Variants in TTN observed in about 807,000 individuals in gnomAD.
TTN encodes titin.
In TTN, 1,525 loss-of-function variants were observed where a neutral mutation model predicts 3,223.0. The ratio of observed to expected loss-of-function variants is 0.47; its 90% CI spans 0.45 to 0.49. The LOEUF (loss-of-function observed/expected upper bound fraction) is 0.49. Ranked by LOEUF, TTN falls within the 20% of genes least tolerant of loss-of-function variation. The pLI, the probability that TTN is intolerant of heterozygous loss-of-function variation, is 0.00. For synonymous variants in TTN, 14,094 were observed against 15,161.0 expected, an observed-to-expected ratio of 0.93 and a Z score of 5.17; for missense variants, 40,786 against 43,424.0, an observed-to-expected ratio of 0.94 and a Z score of 5.40.
chr2:178,789,423 T>C lies in TTN; in HGVS notation c.2013A>G (p.Thr671=). ...VATAKAKEQE[T]ILRTRETMAT... Reference sequence around the variant, plus strand: ...CCATAGTTTCTCTAGTTCTCAGTATTGTTTCTTGTTCTTTGGCTTTAGCAG... The same window carrying C: ...CCATAGTTTCTCTAGTTCTCAGTATCGTTTCTTGTTCTTTGGCTTTAGCAG... The change falls in exon 13 of 363, where the codon ACA becomes ACG. Residue 671 remains threonine (T), a synonymous_variant. Coordinates refer to ENST00000589042, the MANE Select transcript of TTN (RefSeq NM_001267550.2). 2 of 1,613,602 alleles carry C rather than the reference T, an allele frequency of 1.2e-6. No individual in the cohort carries two copies. The highest frequency in any genetic ancestry group is 2.2e-5 in the South Asian group (2 of 91,070).
In TTN at chr2:178,633,033, G is replaced by A; in HGVS notation, c.43098C>T (p.Ile14366=). Reference sequence around the variant, plus strand: ...GAATATGCTTCTTTCCATCCTCAATGATTTCACAGTCCTGTTTGGAGTGAG... The same window carrying A: ...GAATATGCTTCTTTCCATCCTCAATAATTTCACAGTCCTGTTTGGAGTGAG... ...QPLTASPDCE[I]IEDGKKHILI... is the part of the protein sequence containing the mutation. Residue 14366 remains isoleucine, a synonymous_variant, in exon 234 of 363, where the codon ATC becomes ATT. Transcript: ENST00000589042. 6.2e-7 allele frequency: 1 copy of A among 1,612,898 alleles called. No individual in the cohort carries two copies. Among genetic ancestry groups the A allele is most frequent in the Non-Finnish European group, 8.5e-7 (1 of 1,179,338 alleles).
In TTN at chr2:178,689,577, C is replaced by T. The variant is rs2071793480; in HGVS notation, c.31865G>A (p.Gly10622Glu). 1.9e-6 allele frequency: 3 copies of T among 1,606,624 alleles called. No homozygotes were observed. Among genetic ancestry groups the T allele is most frequent in the Non-Finnish European group, 2.5e-6 (3 of 1,176,920 alleles). The change falls in exon 123 of 363, where the codon GGA becomes GAA. Residue 10622 changes from glycine to glutamate, a missense_variant. Physicochemically the swap from Gly to Glu is moderately conservative, Grantham distance 98. Coordinates refer to ENST00000589042, the MANE Select transcript of TTN (RefSeq NM_001267550.2). The part of the protein sequence containing the change: ...PPAKVPEVQK[G>E]VVTEEKITIV... ...GGTTATTTTTTCTTCTGTCACAACT[C>T]CCTTCTGTACTTCAGGAACTTGAAG...
At chr2:178,529,802 T>A (rs1049687900) in intron 359 of TTN, among the ~76,000 whole-genome samples, 158 bp downstream of exon 359, 1 of 152,230 alleles carries the variant, frequency 6.6e-6, no homozygotes, top group Admixed American at 6.5e-5. Context: ...TAACTTCAAA[T>A]GTGTGTTTCT....
Position 178,595,715 on chromosome 2 carries a change from G to A in TTN, c.57639C>T (p.Gly19213=). Residue 19213 remains glycine, a synonymous_variant, in exon 295 of 363, where the codon GGC becomes GGT. Coordinates refer to ENST00000589042, the MANE Select transcript of TTN (RefSeq NM_001267550.2). ...CAATGACATAATTGGTGATTGGAGA[G>A]CCTCCATCATCTTCTGGAGAAAACC... ...LTWFSPEDDG[G]SPITNYVIEK... 1 of 1,608,490 alleles carries A rather than the reference G, an allele frequency of 6.2e-7. No individual in the cohort carries two copies. Among genetic ancestry groups the A allele is most frequent in the Non-Finnish European group, 8.5e-7 (1 of 1,177,540 alleles).
intron 4 of TTN, 56 bp from the exon 5 acceptor site, chr2:178,799,966 G>C: frequency 1.3e-6 from 2 of 1,566,740 alleles, no homozygotes; most frequent in Non-Finnish European, 1.8e-6. Flanking sequence ...CATTTTAAAA[G>C]AGATTCTGTT....
At position 178,567,267 on chromosome 2, in the gene TTN, G is replaced by A. The variant is rs1030641242; in HGVS notation, c.78865C>T (p.Pro26289Ser). The A allele has an allele frequency of 2.5e-6, 4 of 1,606,702 alleles. No individual in the cohort carries two copies. Among genetic ancestry groups the A allele is most frequent in the Non-Finnish European group, 3.4e-6 (4 of 1,176,844 alleles). ...GTAACCTGGACTGGCCCTTCTGGAG[G>A]TCCTGGTCTATCTAATACTTTTACA... ...VNVKVLDRPGPPEGPVQVTGV... is the reference protein window; with the variant it reads ...VNVKVLDRPGSPEGPVQVTGV... The change falls in exon 326 of 363, where the codon CCT becomes TCT. Residue 26289 changes from proline to serine, a missense_variant. By Grantham distance (74) the Pro-to-Ser change is moderately conservative (BLOSUM62 -1). Transcript: ENST00000589042.
chr2:178,660,600 T>C (rs2064511219), intron 180 of TTN, among the ~76,000 whole-genome samples: 1 of 147,884 alleles, frequency 6.8e-6, no homozygotes, highest in Non-Finnish European at 1.5e-5. Flanking sequence ...GGCAATACCA[T>C]TCAGGACATA....
chr2:178,637,146 GATAT>G (rs61216469), intron 224 of TTN, among the ~76,000 whole-genome samples: 2,469 of 49,022 alleles, frequency 0.05, 55 homozygotes, highest in Middle Eastern at 0.12. Flanking sequence ...AATATAGTTG[GATAT>G]ATATATATAT....
At chr2:178,651,389 C>G in intron 207 of TTN, 64 bp downstream of exon 207, 2 of 1,603,196 alleles carry the variant, frequency 1.2e-6, no homozygotes, top group South Asian at 2.2e-5. Context: ...TTACACAGAA[C>G]AAAACCCTTT....
chr2:178,748,145 C>T, intron 47 of TTN: 2 of 1,613,168 alleles, frequency 1.2e-6, no homozygotes, highest in South Asian at 1.1e-5. Flanking sequence ...TAGAGGACAA[C>T]TTTTCTCAGA....
In TTN at chr2:178,725,481, T is replaced by C. The variant is rs755380607; in HGVS notation, c.20723A>G (p.Asn6908Ser). The change falls in exon 71 of 363, where the codon AAT becomes AGT. Residue 6908 changes from asparagine (N) to serine (S), a missense_variant. By Grantham distance (46) the Asn-to-Ser change is conservative. Coordinates refer to ENST00000589042, the MANE Select transcript of TTN (RefSeq NM_001267550.2). ...SENIRITFVE[N>S]VATLQFAKAE... ...TTTTGCAAACTGTAGAGTTGCAACA[T>C]TTTCCACAAATGTAATCCTGATGTT... 3 of 1,613,214 alleles carry C rather than the reference T, an allele frequency of 1.9e-6. No homozygotes were observed. The highest frequency in any genetic ancestry group is 2.7e-5 in the African/African-American group (2 of 74,894).
At chr2:178,606,239 C>T (rs975110621) in intron 278 of TTN, among the ~76,000 whole-genome samples, 3 of 152,010 alleles carry the variant, frequency 2.0e-5, no homozygotes, top group African/African-American at 7.2e-5. Flanking sequence ...AGTGGTAAAA[C>T]TAGACCCAAT....
chr2:178,676,228 G>T, intron 147 of TTN: 1 of 349,592 alleles, frequency 2.9e-6, no homozygotes, highest in Non-Finnish European at 5.2e-6. Context: ...AAATAATTGC[G>T]GTTTTGACAT....
intron 208 of TTN, 147 bp downstream of exon 208, chr2:178,651,096 A>G (rs1353548541): frequency 1.4e-6 from 1 of 705,504 alleles, no homozygotes; most frequent in African/African-American, 1.8e-5. Flanking sequence ...TGAAAAAATT[A>G]TTAAAAAGTA....
At chr2:178,631,642 T>G (rs965569738) in intron 236 of TTN, among the ~76,000 whole-genome samples, 1 of 152,124 alleles carries the variant, frequency 6.6e-6, no homozygotes, top group Non-Finnish European at 1.5e-5. Context: ...AGTTTACTTT[T>G]AAGCTTTCAG....
Position 178,571,840 on chromosome 2 carries a change from T to C in TTN, c.74292A>G (p.Ala24764=), listed in dbSNP as rs1005955398. 1.9e-6 allele frequency: 3 copies of C among 1,613,480 alleles called. No homozygotes were observed. In the African/African-American group the frequency reaches 4.0e-5, roughly 22 times the overall value. ...GTAGTGAATTATTTTCTGTGCTCTC[T>C]GCATTTACTCTAGTTGTCTGCTTCA... ...VPLKQTTRVN[A]ESTENNSLLT... is the part of the protein sequence containing the mutation. The change falls in exon 326 of 363, where the codon GCA becomes GCG. Residue 24764 remains alanine (A), a synonymous_variant. Coordinates refer to ENST00000589042, the MANE Select transcript of TTN (RefSeq NM_001267550.2).
chr2:178,636,761 T>G lies in TTN; in HGVS notation c.40966A>C (p.Arg13656=). 6.2e-7 allele frequency: 1 copy of G among 1,606,922 alleles called. No homozygotes were observed. Among genetic ancestry groups the G allele is most frequent in the South Asian group, 1.1e-5 (1 of 90,458 alleles). Residue 13656 remains arginine, a synonymous_variant, in exon 225 of 363, where the codon AGG becomes CGG. Coordinates refer to ENST00000589042, the MANE Select transcript of TTN (RefSeq NM_001267550.2). The surrounding 1 kb of genome is among the most constrained non-coding windows in gnomAD (Gnocchi z 4.3). ...CCACTTCCTGGCCTTAACTTTCTCC[T>G]TTCGGCTTCTATTGGTGAAGGAGTC... is the stretch of plus-strand genomic sequence containing the variant. ...KKTPSPIEAE[R]RKLRPGSGGE... is the part of the protein sequence containing the mutation.
At position 178,566,851 on chromosome 2, in the gene TTN, G is replaced by T. The variant is rs766994654; in HGVS notation, c.79281C>A (p.Asp26427Glu). The change falls in exon 326 of 363, where the codon GAC (aspartate) becomes GAA (glutamate). Residue 26427 changes from aspartate (D) to glutamate (E), a missense_variant. Asp to Glu is a conservative substitution (Grantham distance 45). Transcript: ENST00000589042. ...ATTTTATCCATCGAATGCCACTTCT[G>T]TCTCTTTTCTCTACAATGTAACCAA... ...EIIGYIVEKR[D>E]RSGIRWIKCN... 1 of 1,613,396 alleles carries T rather than the reference G, an allele frequency of 6.2e-7. No homozygotes were observed. The highest frequency in any genetic ancestry group is 2.2e-5 in the East Asian group (1 of 44,782).
At chr2:178,640,691 G>T in intron 220 of TTN, 61 bp from the exon 221 acceptor site, 1 of 1,315,946 alleles carries the variant, frequency 7.6e-7, no homozygotes, top group Non-Finnish European at 1.0e-6. Flanking sequence ...CACCTCATCT[G>T]AAATATCAAT....
Sources: allele counts gnomAD v4.1 joint callset (sites outside exome capture counted in the v4.1 genomes callset), GRCh38; gene constraint gnomAD v4.1.1; non-coding constraint Gnocchi (gnomAD v3.1); transcripts MANE v1.5; gene names NCBI Gene and HGNC (gene_info 2026-07-23, HGNC 2026-07-21).